CCNYL1: variants seen among roughly 807,000 people sequenced by gnomAD.
The protein encoded by CCNYL1 is cyclin-Y-like protein 1.
CCNYL1 carries 16 observed loss-of-function variants against 44.2 expected under a neutral mutation model. The ratio of observed to expected loss-of-function variants is 0.36; its 90% CI spans 0.25 to 0.55. The LOEUF is 0.55. Among genes scored for constraint, CCNYL1 ranks in the 20% least tolerant of loss-of-function variants. The pLI is 0.85. For synonymous variants in CCNYL1, 159 were observed against 163.2 expected (o/e 0.97, Z 0.20); for missense variants, 348 against 451.8 (o/e 0.77, Z 2.08).
intron 8 of CCNYL1, among the ~76,000 whole-genome samples, chr2:207,749,055 A>G (rs1397865666): frequency 6.6e-6 from 1 of 152,216 alleles, no homozygotes; most frequent in Admixed American, 6.5e-5. Flanking sequence ...CTGGTGCTCT[A>G]GTTCAAGATA....
At position 207,755,575 on chromosome 2, in the gene CCNYL1, G is replaced by A. The variant is rs2091926337; in HGVS notation, c.*1877G>A. On this transcript the variant is annotated 3_prime_UTR_variant, in exon 10 of 10. Transcript: ENST00000295414. ...TTTGATTACCGCAGTTTCTTTAAAG[G>A]AAGATTTTGAAGAGCAGTGTTAATT... The A allele has an allele frequency of 6.6e-6, 1 of 152,158 alleles. No homozygotes were observed. Among genetic ancestry groups the A allele is most frequent in the African/African-American group, 2.4e-5 (1 of 41,444 alleles). 9.4% of individuals were successfully genotyped at this position (152,158 alleles called of 1,614,324 possible).
intron 4 of CCNYL1, 151 bp from the exon 5 acceptor site, chr2:207,737,260 A>G: frequency 1.6e-6 from 1 of 641,914 alleles, no homozygotes; most frequent in Non-Finnish European, 2.8e-6. Flanking sequence ...AGGAACTAAA[A>G]CAAGGGGAAA....
intron 3 of CCNYL1, among the ~76,000 whole-genome samples, chr2:207,729,971 CCAAAGTGCTGGGATTA>C (rs1356335716): frequency 6.6e-6 from 1 of 152,104 alleles, no homozygotes; most frequent in African/African-American, 2.4e-5. Context: ...CCTCAGCCTC[CCAAAGTGCTGGGATTA>C]CAGGTGTGAG....
In CCNYL1 at chr2:207,754,277, A is replaced by G. The variant is rs949337767; in HGVS notation, c.*579A>G. ...TTTTAAACCAAAAAGCTGCTGGATA[A>G]CATTTGTCATTCATATTCTTTGCAA... On this transcript the variant is annotated 3_prime_UTR_variant, in exon 10 of 10. Coordinates refer to ENST00000295414, the MANE Select transcript of CCNYL1 (RefSeq NM_001330218.2). 1.3e-5 allele frequency: 2 copies of G among 152,684 alleles called. No individual in the cohort carries two copies. Among genetic ancestry groups the G allele is most frequent in the African/African-American group, 4.8e-5 (2 of 41,444 alleles). The allele number at this position is 152,684 out of a possible 1,614,324, so 9.5% of individuals were successfully genotyped here.
chr2:207,712,290 G>A (rs1276260427), intron 1 of CCNYL1, among the ~76,000 whole-genome samples, 174 bp downstream of exon 1: 1 of 152,110 alleles, frequency 6.6e-6, no homozygotes, highest in African/African-American at 2.4e-5. Context: ...TGCTGCGTCT[G>A]GCCAGTTTCT....
chr2:207,735,859 G>A (rs1432117625), intron 4 of CCNYL1, among the ~76,000 whole-genome samples: 1 of 151,510 alleles, frequency 6.6e-6, no homozygotes, highest in Non-Finnish European at 1.5e-5. Flanking sequence ...GCAAGACTCT[G>A]TCTCAAAAAA....
rs182816619 is a variant in CCNYL1, at chr2:207,739,510, A to G, written c.468-1145A>G. ...CTCCCAAGGTGCTGGGATTATAGGCATGAGCCACCACACCTGGCCACTTCT... is the reference window on the plus strand; with the variant it reads ...CTCCCAAGGTGCTGGGATTATAGGCGTGAGCCACCACACCTGGCCACTTCT... On this transcript the variant is annotated intron_variant, in intron 5 of 9. Transcript: ENST00000295414. Among the ~76,000 whole-genome samples, 108 of 152,362 alleles carry G rather than the reference A, an allele frequency of 7.1e-4. 1 individual carries two copies. The highest frequency in any genetic ancestry group is 1.0e-3 in the Admixed American group (16 of 15,300).
chr2:207,726,828 T>C lies in CCNYL1; in HGVS notation c.296-14T>C. The C allele has an allele frequency of 6.4e-7, 1 of 1,566,572 alleles. No individual in the cohort carries two copies. Among genetic ancestry groups the C allele is most frequent in the East Asian group, 2.4e-5 (1 of 41,834 alleles). On this transcript the variant is annotated splice_polypyrimidine_tract_variant and intron_variant, in intron 2 of 9. Transcript: ENST00000295414. ...TTGTATCAGAATTGATCAGCTAATTTTTTTTATTCTTAGTGCGAGAAAAGA... is the reference window on the plus strand; with the variant it reads ...TTGTATCAGAATTGATCAGCTAATTCTTTTTATTCTTAGTGCGAGAAAAGA...
chr2:207,746,361 G>A (rs4398255), intron 7 of CCNYL1, among the ~76,000 whole-genome samples: 23,608 of 152,138 alleles, frequency 0.16, 3,030 homozygotes, highest in East Asian at 0.38. Context: ...GCATAATATA[G>A]CTACCTGTAA....
chr2:207,729,280 AC>A (rs60765823), intron 3 of CCNYL1, among the ~76,000 whole-genome samples: 13 of 27,298 alleles, frequency 4.8e-4, no homozygotes, highest in Admixed American at 1.0e-3. Flanking sequence ...CACCCCCCCC[AC>A]CCCCCCGCAC....
At chr2:207,733,766 G>C (rs2091745567) in intron 3 of CCNYL1, among the ~76,000 whole-genome samples, 181 bp from the exon 4 acceptor site, 1 of 152,174 alleles carries the variant, frequency 6.6e-6, no homozygotes, top group Non-Finnish European at 1.5e-5. Context: ...CTCAAACACT[G>C]TCTGTGGGAG....
rs772778906 is a variant in CCNYL1, at chr2:207,751,711, G to A, written c.969+592G>A. Among the ~76,000 whole-genome samples, 10 of 152,144 alleles carry A rather than the reference G, an allele frequency of 6.6e-5. 1 individual carries two copies. The highest frequency in any genetic ancestry group is 1.4e-4 in the African/African-American group (6 of 41,426). On this transcript the variant is annotated intron_variant, in intron 9 of 9. Coordinates refer to ENST00000295414, the MANE Select transcript of CCNYL1 (RefSeq NM_001330218.2). ...CTCTACTAAAAATACAAAATTAGCC[G>A]GCCGTGGTGGCGCATGCCTGTAATC...
intron 7 of CCNYL1, among the ~76,000 whole-genome samples, chr2:207,742,835 G>A (rs2091821754): frequency 6.6e-6 from 1 of 152,160 alleles, no homozygotes; most frequent in Non-Finnish European, 1.5e-5. Flanking sequence ...CCTACCTCTT[G>A]TGCCTGCTCG....
chr2:207,721,859 G>T (rs2091642835), intron 1 of CCNYL1, among the ~76,000 whole-genome samples: 1 of 150,886 alleles, frequency 6.6e-6, no homozygotes, highest in Non-Finnish European at 1.5e-5. Flanking sequence ...CTCAGCCTCG[G>T]TGGCAGCTCC....
chr2:207,716,657 T>G (rs2091597793), intron 1 of CCNYL1, among the ~76,000 whole-genome samples: 2 of 152,204 alleles, frequency 1.3e-5, no homozygotes, highest in Non-Finnish European at 2.9e-5. Flanking sequence ...CCTTTATGAT[T>G]GGGCATCTTT....
chr2:207,736,626 A>G (rs2091766199), intron 4 of CCNYL1, among the ~76,000 whole-genome samples: 5 of 152,224 alleles, frequency 3.3e-5, no homozygotes. Context: ...TTGATCATAA[A>G]TGATTTTATT....
chr2:207,742,382 G>A (rs2105836547), intron 7 of CCNYL1, 40 bp downstream of exon 7: 2 of 1,587,786 alleles, frequency 1.3e-6, no homozygotes, highest in Non-Finnish European at 1.7e-6. Context: ...TTAGAAATTA[G>A]TCTTGTACAC....
rs554267259 is a variant in CCNYL1 at position 207,715,672 on chromosome 2, G to A, written c.220+3556G>A. ...TGGGATCATAGGTGTGAGCCACCGC[G>A]CCTGGCCTTTTTTTTTTTTTTGAGA... On this transcript the variant is annotated intron_variant, in intron 1 of 9. Coordinates refer to ENST00000295414, the MANE Select transcript of CCNYL1 (RefSeq NM_001330218.2). Among the ~76,000 whole-genome samples, 31 of 144,228 alleles carry A rather than the reference G, an allele frequency of 2.1e-4. 1 individual carries two copies. The South Asian group carries it at 7.0e-3, about 33-fold the overall frequency. The allele number at this position is 144,228 out of a possible 152,430, so 94.6% of individuals were successfully genotyped here. A position where few individuals can be genotyped will look rare whatever the true frequency, so the allele number is the denominator to read the frequency against.
chr2:207,742,988 TA>T (rs771265269), intron 7 of CCNYL1, among the ~76,000 whole-genome samples: 5 of 152,204 alleles, frequency 3.3e-5, no homozygotes, highest in Non-Finnish European at 5.9e-5. Flanking sequence ...TAATAAATCC[TA>T]TTCAAGTGGT....
Sources: allele counts gnomAD v4.1 joint callset (sites outside exome capture counted in the v4.1 genomes callset), GRCh38; gene constraint gnomAD v4.1.1; transcripts MANE v1.5; gene names NCBI Gene and HGNC (gene_info 2026-07-23, HGNC 2026-07-21).